The following STARD3 variants were observed in gnomAD, a reference collection of about 807,000 sequenced individuals.
STARD3 encodes the protein StAR related lipid transfer domain containing 3.
Under a neutral mutation model 62.0 loss-of-function variants are expected in STARD3, and 39 were observed. The ratio of observed to expected loss-of-function variants is 0.63; its 90% CI spans 0.49 to 0.82. The LOEUF is 0.82. Among genes scored for constraint, STARD3 ranks in the 40% least tolerant of loss-of-function variants. The probability of loss-of-function intolerance (pLI) is 0.00; values close to 1 mark genes in which losing one functional copy is unlikely to be tolerated. For synonymous variants in STARD3, 229 were observed against 242.4 expected, an observed-to-expected ratio of 0.94 and a Z score of 0.51; for missense variants, 543 against 584.5, an observed-to-expected ratio of 0.93 and a Z score of 0.73.
intron 1 of STARD3, among the ~76,000 whole-genome samples, chr17:39,637,857 C>G (rs544581130): frequency 2.0e-5 from 3 of 152,308 alleles, no homozygotes; most frequent in Admixed American, 2.0e-4. Context: ...CGCCCAACCC[C>G]TCGCTCTGTA....
intron 1 of STARD3, 95 bp from the exon 2 acceptor site, chr17:39,653,384 TAG>T (rs1162166032): frequency 1.2e-6 from 1 of 811,434 alleles, no homozygotes; most frequent in East Asian, 2.7e-5. Flanking sequence ...GGACCCAGTG[TAG>T]AGACAAATGC....
chr17:39,661,387 G>A, intron 13 of STARD3: 3 of 439,582 alleles, frequency 6.8e-6, no homozygotes, highest in Non-Finnish European at 1.3e-5. Flanking sequence ...TGAGAGCCAT[G>A]TGCTCACTCT....
At chr17:39,651,342 A>C (rs1453260494) in intron 1 of STARD3, among the ~76,000 whole-genome samples, 1 of 152,234 alleles carries the variant, frequency 6.6e-6, no homozygotes, top group African/African-American at 2.4e-5. Flanking sequence ...CCAGGAAGGT[A>C]GTCCACATAG....
chr17:39,653,751 G>A lies in STARD3; in HGVS notation c.219+1G>A, dbSNP rs1311556135. The A allele has an allele frequency of 6.2e-7, 1 of 1,613,986 alleles. No individual in the cohort carries two copies. Among genetic ancestry groups the A allele is most frequent in the Admixed American group, 1.7e-5 (1 of 60,022 alleles). On this transcript the variant is annotated splice_donor_variant, in intron 2 of 14. Transcript: ENST00000336308. LOFTEE classifies it high-confidence loss of function. ...CCTGCTCTGGATCATCGAACTGAAT[G>A]TGAGTGGGGGCGAGGTGGGGGCACA...
intron 9 of STARD3, 111 bp downstream of exon 9, chr17:39,659,664 T>C: frequency 8.4e-7 from 1 of 1,184,490 alleles, no homozygotes; most frequent in Non-Finnish European, 1.2e-6. Context: ...GCCATATTCC[T>C]GCCCCAAGAG....
At chr17:39,658,877 G>A (rs1379875855) in intron 7 of STARD3, 57 bp downstream of exon 7, 6 of 1,593,262 alleles carry the variant, frequency 3.8e-6, no homozygotes, top group Non-Finnish European at 5.2e-6. Flanking sequence ...GAGGAATGGG[G>A]TAGGCTGGGT....
At chr17:39,656,924 T>C in intron 2 of STARD3, 84 bp from the exon 3 acceptor site, 1 of 1,394,176 alleles carries the variant, frequency 7.2e-7, no homozygotes, top group Admixed American at 1.7e-5. Context: ...CTCCATCCCC[T>C]ACCTCTTGCC....
chr17:39,656,525 A>G (rs2057131673), intron 2 of STARD3, among the ~76,000 whole-genome samples: 1 of 152,140 alleles, frequency 6.6e-6, no homozygotes, highest in Non-Finnish European at 1.5e-5. Context: ...TTGCCCATTA[A>G]GCATAAACCT....
intron 3 of STARD3, 67 bp from the exon 4 acceptor site, chr17:39,657,708 A>C: frequency 6.4e-7 from 1 of 1,569,322 alleles, no homozygotes; most frequent in Non-Finnish European, 8.8e-7. Context: ...ACCAGAGGGG[A>C]GGTCAGCCTG....
chr17:39,637,349 C>G (rs1427362380), intron 1 of STARD3, 118 bp downstream of exon 1: 1 of 152,332 alleles, frequency 6.6e-6, no homozygotes, highest in African/African-American at 2.4e-5. Context: ...CCCACACCCG[C>G]TGCGTCTCAG....
intron 14 of STARD3, 64 bp downstream of exon 14, chr17:39,662,408 G>A (rs530678699): frequency 1.6e-5 from 24 of 1,485,956 alleles, no homozygotes; most frequent in Admixed American, 1.1e-4. Flanking sequence ...TGCTGACTTG[G>A]TTGCTGCATG....
At chr17:39,653,250 G>C (rs2057093928) in intron 1 of STARD3, 6 of 523,744 alleles carry the variant, frequency 1.1e-5, no homozygotes, top group South Asian at 2.1e-5. Context: ...CCCTGTGGCT[G>C]CTGGGCTTGG....
At chr17:39,638,388 T>A (rs538269000) in intron 1 of STARD3, among the ~76,000 whole-genome samples, 1 of 152,284 alleles carries the variant, frequency 6.6e-6, no homozygotes, top group East Asian at 1.9e-4. Context: ...TTTACACAGC[T>A]CTCTGTGATC....
At chr17:39,644,943 T>C (rs1291862612) in intron 1 of STARD3, among the ~76,000 whole-genome samples, 1 of 152,060 alleles carries the variant, frequency 6.6e-6, no homozygotes, top group East Asian at 1.9e-4. Context: ...GCCGCCTCCC[T>C]GAAGAAAGGT....
chr17:39,658,281 C>A (rs1180566506), intron 5 of STARD3, 124 bp from the exon 6 acceptor site: 1 of 937,722 alleles, frequency 1.1e-6, no homozygotes, highest in Non-Finnish European at 1.6e-6. Flanking sequence ...TGAGAGGGTT[C>A]CCAAGCAGCT....
At chr17:39,659,656 CA>C (rs2057173126) in intron 9 of STARD3, 103 bp downstream of exon 9, 7 of 1,232,870 alleles carry the variant, frequency 5.7e-6, no homozygotes, top group Non-Finnish European at 8.1e-6. Flanking sequence ...GGGTTGGAGC[CA>C]TATTCCTGCC....
At position 39,660,802 on chromosome 17, in the gene STARD3, G is replaced by C; in HGVS notation, c.955-8G>C. 1 of 1,571,878 alleles carries C rather than the reference G, an allele frequency of 6.4e-7. No homozygotes were observed. ...CCTGTTCCAAAAGTCTCCGTTGACG[G>C]CCCTCAGATCCTGCAGCGAGTGGAA... On this transcript the variant is annotated splice_region_variant and splice_polypyrimidine_tract_variant and intron_variant, in intron 11 of 14. Coordinates refer to ENST00000336308, the MANE Select transcript of STARD3 (RefSeq NM_006804.4). The surrounding 1 kb of genome is among the most constrained non-coding windows in gnomAD (Gnocchi z 4.8).
chr17:39,662,236 T>C lies in STARD3; in HGVS notation c.1140-15T>C, dbSNP rs1228927180. On this transcript the variant is annotated splice_polypyrimidine_tract_variant and intron_variant, in intron 13 of 14. Transcript: ENST00000336308. Reference sequence around the variant, plus strand: ...CTCTGTTCCAAAGTCCCCCCAATGATGCCTCTTTCCATAGGGGAGAGAATG... The same window carrying C: ...CTCTGTTCCAAAGTCCCCCCAATGACGCCTCTTTCCATAGGGGAGAGAATG... The C allele has an allele frequency of 6.2e-7, 1 of 1,611,110 alleles. No homozygotes were observed. Among genetic ancestry groups the C allele is most frequent in the African/African-American group, 1.3e-5 (1 of 74,832 alleles).
chr17:39,662,427 G>A, intron 14 of STARD3, 83 bp downstream of exon 14: 1 of 1,371,312 alleles, frequency 7.3e-7, no homozygotes, highest in Non-Finnish European at 1.0e-6. Context: ...TGACTTTGGG[G>A]GCTCTCTGCC....
Sources: allele counts gnomAD v4.1 joint callset (sites outside exome capture counted in the v4.1 genomes callset), GRCh38; gene constraint gnomAD v4.1.1; non-coding constraint Gnocchi (gnomAD v3.1); transcripts MANE v1.5; gene names NCBI Gene and HGNC (gene_info 2026-07-23, HGNC 2026-07-21).